The following TDP1 variants were observed in gnomAD, a reference collection of about 807,000 sequenced individuals.
TDP1 encodes the protein tyrosyl-DNA phosphodiesterase 1.
Under a neutral mutation model 81.5 loss-of-function variants are expected in TDP1, and 64 were observed. The observed-to-expected ratio is 0.79, with a 90% confidence interval of 0.64 to 0.97. The LOEUF is 0.97. Ranked by LOEUF, TDP1 falls within the 50% of genes least tolerant of loss-of-function variation. The pLI, the probability that TDP1 is intolerant of heterozygous loss-of-function variation, is 0.00. For missense variants in TDP1, 723 were observed against 743.8 expected, an observed-to-expected ratio of 0.97 and a Z score of 0.33; for synonymous variants, 256 against 264.3, an observed-to-expected ratio of 0.97 and a Z score of 0.30.
intron 2 of TDP1, among the ~76,000 whole-genome samples, chr14:89,962,010 T>C (rs1218609162): frequency 6.6e-6 from 1 of 152,184 alleles, no homozygotes; most frequent in African/African-American, 2.4e-5. Flanking sequence ...TAGATAGTCC[T>C]TTACCACTGA....
At chr14:90,017,994 C>G (rs915380443) in intron 14 of TDP1, among the ~76,000 whole-genome samples, 4 of 152,084 alleles carry the variant, frequency 2.6e-5, no homozygotes, top group African/African-American at 9.7e-5. Flanking sequence ...CTTAAGTCAG[C>G]CTAATCGCTT....
intron 3 of TDP1, chr14:89,965,765 T>G: frequency 1.0e-6 from 1 of 985,070 alleles, no homozygotes; most frequent in Non-Finnish European, 1.2e-6. Context: ...TCTAGAAAGT[T>G]TTTCTAGTCT....
intron 15 of TDP1, among the ~76,000 whole-genome samples, chr14:90,025,830 A>G (rs1886583942): frequency 6.6e-6 from 1 of 152,200 alleles, no homozygotes; most frequent in African/African-American, 2.4e-5. Flanking sequence ...TTTGGACCTC[A>G]TTCCTTTGGT....
At chr14:90,039,976 A>G (rs1306110007) in intron 16 of TDP1, among the ~76,000 whole-genome samples, 3 of 152,140 alleles carry the variant, frequency 2.0e-5, no homozygotes, top group East Asian at 1.9e-4. Context: ...TTCCCGTTAC[A>G]TGGTACTACC....
chr14:90,009,484 G>A (rs1884443714), intron 14 of TDP1, among the ~76,000 whole-genome samples: 1 of 152,164 alleles, frequency 6.6e-6, no homozygotes, highest in African/African-American at 2.4e-5. Context: ...TAAGATGAGA[G>A]TAAAGAAGTT....
intron 12 of TDP1, 34 bp from the exon 13 acceptor site, chr14:89,991,883 C>T (rs1415563914): frequency 1.3e-6 from 2 of 1,571,316 alleles, no homozygotes; most frequent in Non-Finnish European, 1.7e-6. Flanking sequence ...AATTATATTT[C>T]ATAATTTTTA....
intron 2 of TDP1, among the ~76,000 whole-genome samples, chr14:89,958,044 G>A (rs1217947677): frequency 6.6e-6 from 1 of 152,222 alleles, no homozygotes; most frequent in African/African-American, 2.4e-5. Context: ...GCTGTTCCAA[G>A]TGCTGGCCCA....
intron 16 of TDP1, among the ~76,000 whole-genome samples, chr14:90,036,093 T>C: frequency 6.6e-6 from 1 of 152,240 alleles, no homozygotes; most frequent in East Asian, 1.9e-4. Context: ...TGAGTTTTGT[T>C]TGTTTCTTCA....
intron 8 of TDP1, chr14:89,983,238 G>A (rs1043446979): frequency 2.3e-6 from 1 of 440,072 alleles, no homozygotes; most frequent in Non-Finnish European, 4.5e-6. Flanking sequence ...TACACACGGA[G>A]GCAAAGGCCC....
At chr14:90,012,900 T>C (rs368557103) in intron 14 of TDP1, among the ~76,000 whole-genome samples, 1 of 152,200 alleles carries the variant, frequency 6.6e-6, no homozygotes, top group African/African-American at 2.4e-5. Context: ...AGCCTACCTC[T>C]TGGATCAGCG....
At chr14:90,018,986 A>C in intron 14 of TDP1, 1 of 979,608 alleles carries the variant, frequency 1.0e-6, no homozygotes, top group East Asian at 1.1e-4. Context: ...ACAAAACCAG[A>C]AATCCTGGCT....
intron 14 of TDP1, among the ~76,000 whole-genome samples, chr14:89,995,900 T>C (rs1596586923): frequency 6.6e-6 from 1 of 152,280 alleles, no homozygotes; most frequent in East Asian, 1.9e-4. Flanking sequence ...AAACAGAAGA[T>C]TTAGATAGTG....
At chr14:89,986,041 A>G (rs1895519515) in intron 10 of TDP1, among the ~76,000 whole-genome samples, 3 of 152,256 alleles carry the variant, frequency 2.0e-5, no homozygotes, top group Admixed American at 2.0e-4. Flanking sequence ...AAATAAATAA[A>G]TTCCCTAAAG....
intron 14 of TDP1, among the ~76,000 whole-genome samples, chr14:90,015,392 A>C (rs1316323556): frequency 6.6e-6 from 1 of 152,234 alleles, no homozygotes; most frequent in Non-Finnish European, 1.5e-5. Flanking sequence ...GACTCAGGTC[A>C]AACCTGTAAT....
chr14:90,034,269 C>T (rs942350523), intron 16 of TDP1, among the ~76,000 whole-genome samples: 1 of 152,128 alleles, frequency 6.6e-6, no homozygotes, highest in African/African-American at 2.4e-5. Flanking sequence ...ATGAAAACAA[C>T]AAATGATGGC....
chr14:90,029,656 G>A (rs1665894812), intron 15 of TDP1, among the ~76,000 whole-genome samples: 1 of 151,416 alleles, frequency 6.6e-6, no homozygotes, highest in Non-Finnish European at 1.5e-5. Flanking sequence ...ACTCCACCAT[G>A]CCTGACTAAT....
rs1819519673 is a variant in TDP1 at position 89,998,424 on chromosome 14, G to GTATGTATGTATATATA, written c.1541+4952_1541+4953insATATATATGTATGTAT. Reference sequence around the variant, plus strand: ...TATATATATATATATATATATATATGTATGTATGTATGTATGTATATGTAT... The same window carrying GTATGTATGTATATATA: ...TATATATATATATATATATATATATGTATGTATGTATATATATATGTATGTATGTATGTATATGTAT... On this transcript the variant is annotated intron_variant, in intron 14 of 16. Transcript: ENST00000335725. Among the ~76,000 whole-genome samples, 2 of 78,542 alleles carry GTATGTATGTATATATA rather than the reference G, an allele frequency of 2.5e-5. 1 individual carries two copies. The highest frequency in any genetic ancestry group is 1.3e-4 in the African/African-American group (2 of 15,808). The allele number at this position is 78,542 out of a possible 152,430, so 51.5% of individuals were successfully genotyped here.
chr14:90,021,664 G>A (rs997511268), intron 15 of TDP1, among the ~76,000 whole-genome samples: 2 of 152,074 alleles, frequency 1.3e-5, no homozygotes, highest in Non-Finnish European at 2.9e-5. Context: ...CTTATAGGGG[G>A]GCTCTTCTAT....
chr14:89,986,922 G>A (rs1004064452), intron 10 of TDP1: 3 of 152,204 alleles, frequency 2.0e-5, no homozygotes, highest in African/African-American at 7.2e-5. Flanking sequence ...AGCCCTCTAG[G>A]TAGGCATTCA....
Sources: gnomAD v4.1 joint callset for allele counts (sites outside exome capture counted in the v4.1 genomes callset) on GRCh38, gnomAD v4.1.1 for gene constraint, MANE v1.5 for transcripts, NCBI Gene and HGNC (gene_info 2026-07-23, HGNC 2026-07-21) for gene names.